Variants in NDST4 observed in about 807,000 individuals in gnomAD.
The protein encoded by NDST4 is N-deacetylase and N-sulfotransferase 4.
A neutral mutation model predicts 100.8 loss-of-function variants in NDST4; 63 were observed. The observed-to-expected ratio is 0.62, with a 90% CI of 0.51 to 0.77. The LOEUF (loss-of-function observed/expected upper bound fraction) is 0.77. NDST4 is among the 30% of genes least tolerant of loss of function. The pLI, the probability that NDST4 is intolerant of heterozygous loss-of-function variation, is 0.00. For missense variants in NDST4, 943 were observed against 1,018.4 expected, an observed-to-expected ratio of 0.93 and a Z score of 1.01; for synonymous variants, 377 against 361.8, an observed-to-expected ratio of 1.04 and a Z score of -0.48.
intron 2 of NDST4, among the ~76,000 whole-genome samples, chr4:114,986,793 CATATATATATATATATAT>C (rs59806494): frequency 2.2e-4 from 20 of 91,140 alleles, no homozygotes; most frequent in South Asian, 1.3e-3. Flanking sequence ...TCCAATTATA[CATATATATATATATATAT>C]ATATATATAT....
At chr4:115,066,247 T>C (rs1728943747) in intron 2 of NDST4, among the ~76,000 whole-genome samples, 1 of 152,226 alleles carries the variant, frequency 6.6e-6, no homozygotes, top group Non-Finnish European at 1.5e-5. Flanking sequence ...TTCTCAACTT[T>C]TTAATTCTTA....
intron 2 of NDST4, among the ~76,000 whole-genome samples, chr4:115,052,058 TGTTAG>T (rs1275579454): frequency 1.3e-5 from 2 of 152,172 alleles, no homozygotes; most frequent in Admixed American, 6.6e-5. Flanking sequence ...TTCATATACC[TGTTAG>T]TCATTTGTAT....
chr4:114,905,478 A>T (rs1724931428), intron 6 of NDST4, among the ~76,000 whole-genome samples: 1 of 151,946 alleles, frequency 6.6e-6, no homozygotes, highest in African/African-American at 2.4e-5. Flanking sequence ...GTTTTTAAAA[A>T]AATTTAGTTA....
intron 6 of NDST4, among the ~76,000 whole-genome samples, chr4:114,920,758 C>T (rs1725270566): frequency 1.3e-5 from 2 of 152,254 alleles, no homozygotes; most frequent in East Asian, 3.9e-4. Context: ...TAATTGAACA[C>T]TGACTGTTCT....
intron 10 of NDST4, among the ~76,000 whole-genome samples, chr4:114,840,999 T>C (rs1460594290): frequency 6.6e-6 from 1 of 152,178 alleles, no homozygotes; most frequent in East Asian, 1.9e-4. Context: ...ATTTAATTAG[T>C]AAAATGTGTA....
At chr4:115,031,158 A>T (rs75020266) in intron 2 of NDST4, among the ~76,000 whole-genome samples, 9,547 of 151,828 alleles carry the variant, frequency 0.063, 826 homozygotes, top group African/African-American at 0.19. Context: ...CACATCTTCA[A>T]CTCCCCAGCC....
intron 10 of NDST4, among the ~76,000 whole-genome samples, chr4:114,842,171 G>A (rs1267505434): frequency 6.6e-6 from 1 of 152,108 alleles, no homozygotes; most frequent in Non-Finnish European, 1.5e-5. Flanking sequence ...TGCTGTAGGC[G>A]AATTTACATT....
At chr4:115,074,317 A>G (rs532823135) in intron 2 of NDST4, among the ~76,000 whole-genome samples, 5 of 152,146 alleles carry the variant, frequency 3.3e-5, no homozygotes, top group Middle Eastern at 6.8e-3. Flanking sequence ...AAGTTCATTT[A>G]GACATATAAA....
chr4:114,919,837 T>G (rs1655924105), intron 6 of NDST4, among the ~76,000 whole-genome samples: 1 of 152,202 alleles, frequency 6.6e-6, no homozygotes, highest in Admixed American at 6.5e-5. Context: ...GCAGGGTTGC[T>G]GCAGAGATGG....
chr4:114,889,397 GGA>G (rs1724545923), intron 6 of NDST4, among the ~76,000 whole-genome samples: 1 of 152,142 alleles, frequency 6.6e-6, no homozygotes, highest in African/African-American at 2.4e-5. Flanking sequence ...ACGAAGAAGT[GGA>G]GAGTAGACTG....
At chr4:114,894,001 T>C (rs1724657351) in intron 6 of NDST4, among the ~76,000 whole-genome samples, 1 of 152,192 alleles carries the variant, frequency 6.6e-6, no homozygotes, top group Non-Finnish European at 1.5e-5. Flanking sequence ...AAGAGATCCT[T>C]TCCCCATTGC....
chr4:115,037,350 T>C (rs1728254596), intron 2 of NDST4, among the ~76,000 whole-genome samples: 1 of 152,118 alleles, frequency 6.6e-6, no homozygotes, highest in Non-Finnish European at 1.5e-5. Flanking sequence ...AGAAGATTGC[T>C]ACTTTGAGTT....
At chr4:114,936,826 A>G (rs1725638681) in intron 5 of NDST4, among the ~76,000 whole-genome samples, 1 of 152,208 alleles carries the variant, frequency 6.6e-6, no homozygotes, top group South Asian at 2.1e-4. Context: ...GTATTCTTAG[A>G]TACTTTTGAG....
intron 2 of NDST4, among the ~76,000 whole-genome samples, chr4:114,986,533 T>C (rs1342170149): frequency 6.6e-6 from 1 of 152,170 alleles, no homozygotes; most frequent in East Asian, 1.9e-4. Context: ...TGAAATACTG[T>C]TCAGTTCTTA....
intron 1 of NDST4, among the ~76,000 whole-genome samples, chr4:115,087,457 C>T (rs2126293502): frequency 6.6e-6 from 1 of 152,026 alleles, no homozygotes; most frequent in East Asian, 1.9e-4. Context: ...TTAATCTGTT[C>T]TCTGTTTCTT....
intron 4 of NDST4, among the ~76,000 whole-genome samples, chr4:114,959,012 C>T (rs144902804): frequency 1.3e-5 from 2 of 152,170 alleles, no homozygotes; most frequent in Admixed American, 1.3e-4. Flanking sequence ...GTTCAATGTT[C>T]CACAGATCTC....
At chr4:115,105,926 G>A (rs1729824474) in intron 1 of NDST4, among the ~76,000 whole-genome samples, 1 of 151,950 alleles carries the variant, frequency 6.6e-6, no homozygotes, top group Admixed American at 6.6e-5. Flanking sequence ...TTTTTCAACT[G>A]TTACTCATAT....
At chr4:115,050,124 A>G (rs1282760259) in intron 2 of NDST4, among the ~76,000 whole-genome samples, 1 of 151,988 alleles carries the variant, frequency 6.6e-6, no homozygotes, top group East Asian at 1.9e-4. Flanking sequence ...TACAGTTTAA[A>G]TTTTCCTTCC....
At chr4:115,090,150 A>G (rs1025375051) in intron 1 of NDST4, among the ~76,000 whole-genome samples, 25 of 151,878 alleles carry the variant, frequency 1.6e-4, no homozygotes, top group African/African-American at 6.0e-4. Context: ...GACTTTTTCT[A>G]ATGAATTTTT....
Sources: gnomAD v4.1 joint callset for allele counts (sites outside exome capture counted in the v4.1 genomes callset) on GRCh38, gnomAD v4.1.1 for gene constraint, MANE v1.5 for transcripts, NCBI Gene and HGNC (gene_info 2026-07-23, HGNC 2026-07-21) for gene names.